Variants in SAMTOR observed in about 807,000 individuals in gnomAD.
SAMTOR encodes the protein UPF0532 protein C7orf60.
the SAMTOR span, among the ~76,000 whole-genome samples, chr7:112,932,949 T>C: frequency 6.6e-6 from 1 of 152,188 alleles, no homozygotes; most frequent in Non-Finnish European, 1.5e-5. Context: ...TTAAAAACAT[T>C]ATGCTGCTAA....
At chr7:112,931,016 C>T in the SAMTOR span, among the ~76,000 whole-genome samples, 1 of 152,192 alleles carries the variant, frequency 6.6e-6, no homozygotes, top group African/African-American at 2.4e-5. Flanking sequence ...GGTCTTTTGT[C>T]AGTCAAATGC....
the SAMTOR span, among the ~76,000 whole-genome samples, chr7:112,826,423 A>G: frequency 1.3e-5 from 2 of 152,260 alleles, no homozygotes; most frequent in South Asian, 2.1e-4. Flanking sequence ...GAATTGGTCC[A>G]TTTGAATTGT....
the SAMTOR span, among the ~76,000 whole-genome samples, chr7:112,876,198 G>A: frequency 2.6e-5 from 4 of 152,148 alleles, 1 homozygote; most frequent in East Asian, 3.9e-4. Flanking sequence ...GGCCTCAAGC[G>A]ATCTGCCTGT....
chr7:112,939,475 G>C, the SAMTOR span: 1 of 1,483,464 alleles, frequency 6.7e-7, no homozygotes, highest in Non-Finnish European at 9.1e-7. Context: ...CAGCGGCTGG[G>C]GGGACGTGCA....
At chr7:112,893,070 T>G in the SAMTOR span, among the ~76,000 whole-genome samples, 1 of 152,188 alleles carries the variant, frequency 6.6e-6, no homozygotes, top group East Asian at 1.9e-4. Context: ...CAGAGTAGAT[T>G]CAGCATAATT....
the SAMTOR span, among the ~76,000 whole-genome samples, chr7:112,888,327 A>G: frequency 6.6e-6 from 1 of 152,146 alleles, no homozygotes; most frequent in African/African-American, 2.4e-5. Context: ...AAATTGGTTA[A>G]GATGTGTTTT....
At chr7:112,832,791 T>C in the SAMTOR span, 1 of 620,980 alleles carries the variant, frequency 1.6e-6, no homozygotes, top group Non-Finnish European at 2.9e-6. Flanking sequence ...TAAAAATTAC[T>C]GACGGCCCCA....
chr7:112,877,045 C>G, the SAMTOR span, among the ~76,000 whole-genome samples: 1 of 152,160 alleles, frequency 6.6e-6, no homozygotes, highest in Non-Finnish European at 1.5e-5. Flanking sequence ...CATTCATGGT[C>G]CACTGGACTA....
chr7:112,871,017 T>C, the SAMTOR span, among the ~76,000 whole-genome samples: 20 of 152,312 alleles, frequency 1.3e-4, no homozygotes, highest in African/African-American at 4.6e-4. Context: ...TGTTGGAGCA[T>C]GCAGATTCAT....
chr7:112,856,832 A>G, the SAMTOR span, among the ~76,000 whole-genome samples: 28 of 152,310 alleles, frequency 1.8e-4, no homozygotes, highest in African/African-American at 6.7e-4. Context: ...AAAAATCAGA[A>G]ATTAAACAAT....
At chr7:112,880,200 T>C in the SAMTOR span, among the ~76,000 whole-genome samples, 15 of 152,170 alleles carry the variant, frequency 9.9e-5, no homozygotes, top group African/African-American at 3.1e-4. Context: ...AATTTGCCAA[T>C]TGAGCTGTTA....
the SAMTOR span, among the ~76,000 whole-genome samples, chr7:112,877,005 A>C: frequency 6.6e-6 from 1 of 151,940 alleles, no homozygotes; most frequent in African/African-American, 2.4e-5. Flanking sequence ...ATTCCCTTTT[A>C]CTCCATTTAT....
the SAMTOR span, among the ~76,000 whole-genome samples, chr7:112,891,873 GT>G: frequency 2.0e-5 from 3 of 152,212 alleles, no homozygotes; most frequent in African/African-American, 4.8e-5. Flanking sequence ...TAGCATGATG[GT>G]TGCTGAAAGC....
At chr7:112,847,876 G>A in the SAMTOR span, among the ~76,000 whole-genome samples, 1 of 152,188 alleles carries the variant, frequency 6.6e-6, no homozygotes, top group African/African-American at 2.4e-5. Context: ...TGTGGCTCAT[G>A]CCTGTAACCC....
At chr7:112,868,909 C>G in the SAMTOR span, among the ~76,000 whole-genome samples, 10 of 152,156 alleles carry the variant, frequency 6.6e-5, no homozygotes, top group African/African-American at 2.4e-4. Context: ...TGACCTGGAA[C>G]AAGTCTGCAT....
At chr7:112,917,433 CAAA>C in the SAMTOR span, among the ~76,000 whole-genome samples, 7 of 152,132 alleles carry the variant, frequency 4.6e-5, no homozygotes, top group Admixed American at 1.3e-4. Flanking sequence ...ACATCCACAC[CAAA>C]AACCCATCTG....
chr7:112,922,420 G>A, the SAMTOR span, among the ~76,000 whole-genome samples: 3,421 of 150,916 alleles, frequency 0.023, 63 homozygotes, highest in Admixed American at 0.042. Context: ...GCCGCCCATC[G>A]TCTGGGATGT....
chr7:112,922,780 G>T, the SAMTOR span, among the ~76,000 whole-genome samples: 1 of 151,790 alleles, frequency 6.6e-6, no homozygotes, highest in African/African-American at 2.4e-5. Flanking sequence ...GTCTGGGAGG[G>T]AGGTGGGGGT....
chr7:112,922,294 C>T, the SAMTOR span, among the ~76,000 whole-genome samples: 2 of 152,184 alleles, frequency 1.3e-5, no homozygotes, highest in Non-Finnish European at 2.9e-5. Flanking sequence ...GTGGCATGAT[C>T]TCGGCTTGCT....
Sources: allele counts gnomAD v4.1 joint callset (sites outside exome capture counted in the v4.1 genomes callset), GRCh38; gene constraint gnomAD v4.1.1; transcripts MANE v1.5; gene names NCBI Gene and HGNC (gene_info 2026-07-23, HGNC 2026-07-21).